The following AFF2 variants were observed in gnomAD, a reference collection of about 807,000 sequenced individuals.
AFF2 encodes the protein AF4/FMR2 family member 2.
AFF2 carries 14 observed loss-of-function variants against 76.9 expected under a neutral mutation model. That is an observed-to-expected ratio of 0.18 (90% CI 0.12 to 0.28). AFF2 has a LOEUF of 0.28. AFF2 is among the 10% of genes least tolerant of loss of function. The probability of loss-of-function intolerance (pLI) is 1.00; values close to 1 mark genes in which losing one functional copy is unlikely to be tolerated. For missense variants in AFF2, 868 were observed against 1,001.1 expected (o/e 0.87, Z 1.79); for synonymous variants, 398 against 366.7 (o/e 1.09, Z -0.98).
intron 1 of AFF2, among the ~76,000 whole-genome samples, chrX:148,509,251 G>C (rs1569550500): frequency 2.7e-5 from 3 of 111,716 alleles, no homozygotes. Flanking sequence ...AAACAGTCCT[G>C]GTCAAGGCCC....
rs782598741 is a variant in AFF2 at position 148,812,407 on chromosome X, G to A, written c.1086+2487G>A. Among the ~76,000 whole-genome samples the A allele has an allele frequency of 1.5e-4, 17 of 111,508 alleles. No individual in the cohort carries two copies. In the East Asian group the frequency reaches 2.6e-3, roughly 17 times the overall value. On this transcript the variant is annotated intron_variant, in intron 4 of 20. Transcript: ENST00000370460. ...ATGCAGAGGAAGGAGCACTAGCCCC[G>A]GAGTGGAGGAGCTGGCTTCCAGTTG...
intron 3 of AFF2, among the ~76,000 whole-genome samples, chrX:148,743,423 T>G (rs1473260996): frequency 8.9e-6 from 1 of 112,262 alleles, no homozygotes; most frequent in African/African-American, 3.2e-5. Context: ...TAGGAGCTTC[T>G]GGAGATACAC....
At chrX:148,759,018 C>T (rs1416279052) in intron 3 of AFF2, among the ~76,000 whole-genome samples, 3 of 111,896 alleles carry the variant, frequency 2.7e-5, no homozygotes, top group Non-Finnish European at 3.8e-5. Context: ...AGGTGATCCA[C>T]CCACCCCAGC....
At chrX:148,587,709 T>G (rs1272624375) in intron 1 of AFF2, among the ~76,000 whole-genome samples, 5 of 112,398 alleles carry the variant, frequency 4.4e-5, no homozygotes, top group African/African-American at 1.6e-4. Context: ...ATGGTCAGCC[T>G]GGCCCTAAAG....
intron 7 of AFF2, among the ~76,000 whole-genome samples, chrX:148,861,767 C>T (rs1396512151): frequency 9.0e-6 from 1 of 111,348 alleles, no homozygotes; most frequent in Admixed American, 9.5e-5. Context: ...ATCTTCACTC[C>T]ACCTTTACTC....
intron 9 of AFF2, 110 bp downstream of exon 9, chrX:148,904,368 G>C: frequency 2.0e-6 from 1 of 499,919 alleles, no homozygotes; most frequent in Non-Finnish European, 3.3e-6. Context: ...CTCTATTCAT[G>C]ACAATTTAAA....
rs1557288178 is a variant in AFF2, at chrX:148,962,723, C to T, written c.2699C>T (p.Ser900Leu). ...CTTCTTGTTTTTCACAGAAATAATT[C>T]ATCCAGGAGAGCAAATAGAAGAAAG... ...HKPPNTRENNSSRRANRRKEE... is the reference protein window; with the variant it reads ...HKPPNTRENNLSRRANRRKEE... The change falls in exon 13 of 21, where the codon TCA (serine) becomes TTA (leucine). Residue 900 changes from serine to leucine, a missense_variant. Physicochemically the swap from Ser to Leu is moderately radical, Grantham distance 145. This residue lies in a region of AFF2 where 532 missense variants were observed against 564.2 expected (regional missense o/e 0.94). Transcript: ENST00000370460. 5.8e-6 allele frequency: 7 copies of T among 1,204,737 alleles called. No homozygotes were observed. Among genetic ancestry groups the T allele is most frequent in the Non-Finnish European group, 1.1e-6 (1 of 889,579 alleles).
intron 3 of AFF2, among the ~76,000 whole-genome samples, chrX:148,793,856 T>C (rs2069933160): frequency 8.9e-6 from 1 of 112,109 alleles, no homozygotes; most frequent in Non-Finnish European, 1.9e-5. Flanking sequence ...CGGGGCCTTT[T>C]CTCTGTCAGG....
intron 1 of AFF2, 74 bp downstream of exon 1, chrX:148,501,218 A>C: frequency 8.6e-7 from 1 of 1,162,106 alleles, no homozygotes; most frequent in Non-Finnish European, 1.2e-6. Context: ...GCCTTTGTTA[A>C]GAGGAGCTGA....
intron 7 of AFF2, among the ~76,000 whole-genome samples, chrX:148,866,915 A>G (rs1435752946): frequency 1.8e-5 from 2 of 111,809 alleles, no homozygotes; most frequent in African/African-American, 6.5e-5. Flanking sequence ...AAGCCCATTT[A>G]TTTTTCTAGG....
intron 2 of AFF2, among the ~76,000 whole-genome samples, chrX:148,657,444 G>T (rs1209594946): frequency 3.6e-5 from 4 of 112,296 alleles, no homozygotes; most frequent in African/African-American, 1.3e-4. Context: ...TTTGCTACTT[G>T]TATTAAAAAG....
chrX:148,849,724 G>A (rs2070712022), intron 7 of AFF2, among the ~76,000 whole-genome samples: 1 of 111,551 alleles, frequency 9.0e-6, no homozygotes, highest in South Asian at 3.8e-4. Flanking sequence ...GTGTACAGAA[G>A]TAGAAACCCA....
At position 148,832,264 on chromosome X, in the gene AFF2, C is replaced by T. The variant is rs781982483; in HGVS notation, c.1087-5383C>T. ...GACACCAAGGTTAGTTACCATGACT[C>T]AGTTACCATGACTTGTGAGTCATTT... is the stretch of plus-strand genomic sequence containing the variant. On this transcript the variant is annotated intron_variant, in intron 4 of 20. Coordinates refer to ENST00000370460, the MANE Select transcript of AFF2 (RefSeq NM_002025.4). Among the ~76,000 whole-genome samples, 107 of 112,375 alleles carry T rather than the reference C, an allele frequency of 9.5e-4. 1 individual carries two copies. Among genetic ancestry groups the T allele is most frequent in the African/African-American group, 3.4e-3 (106 of 30,951 alleles).
intron 7 of AFF2, among the ~76,000 whole-genome samples, chrX:148,854,460 A>G (rs2070764661): frequency 8.9e-6 from 1 of 111,760 alleles, no homozygotes; most frequent in Non-Finnish European, 1.9e-5. Flanking sequence ...TACACAGTAA[A>G]GATGTAACGA....
At chrX:148,654,812 G>A (rs1569552643) in intron 2 of AFF2, among the ~76,000 whole-genome samples, 2 of 108,473 alleles carry the variant, frequency 1.8e-5, no homozygotes, top group African/African-American at 6.7e-5. Context: ...GTCAAAGCAC[G>A]GTAAGTGTCT....
intron 3 of AFF2, among the ~76,000 whole-genome samples, chrX:148,720,057 T>C (rs2055072600): frequency 9.0e-6 from 1 of 111,295 alleles, no homozygotes; most frequent in Non-Finnish European, 1.9e-5. Flanking sequence ...TCTTGTGTCT[T>C]TCTCTAATTT....
intron 1 of AFF2, among the ~76,000 whole-genome samples, chrX:148,572,954 G>T (rs2053247058): frequency 9.0e-6 from 1 of 110,635 alleles, no homozygotes; most frequent in African/African-American, 3.3e-5. Flanking sequence ...TCACTAACTA[G>T]CTTTAACATT....
At chrX:148,903,066 A>C (rs1002749513) in intron 8 of AFF2, among the ~76,000 whole-genome samples, 3 of 110,378 alleles carry the variant, frequency 2.7e-5, no homozygotes, top group Admixed American at 9.7e-5. Flanking sequence ...CTGTATTCTA[A>C]TTTACAGCAG....
chrX:148,823,837 A>C (rs782808324), intron 4 of AFF2, among the ~76,000 whole-genome samples: 6 of 111,942 alleles, frequency 5.4e-5, no homozygotes, highest in Non-Finnish European at 1.1e-4. Context: ...AAAAGAGAGA[A>C]GACCAGAGAA....
Sources: allele counts gnomAD v4.1 joint callset (sites outside exome capture counted in the v4.1 genomes callset), GRCh38; gene constraint gnomAD v4.1.1; regional missense constraint gnomAD v4.1.1; transcripts MANE v1.5; gene names NCBI Gene and HGNC (gene_info 2026-07-23, HGNC 2026-07-21).